The following DOCK1 variants were observed in gnomAD, a reference collection of about 807,000 sequenced individuals.
DOCK1 encodes the protein dedicator of cytokinesis protein 1.
DOCK1 carries 138 observed loss-of-function variants against 262.7 expected under a neutral mutation model. That is an observed-to-expected ratio of 0.53 (90% CI 0.46 to 0.61). DOCK1 has a LOEUF of 0.61. Among genes scored for constraint, DOCK1 ranks in the 20% least tolerant of loss-of-function variants. The probability of loss-of-function intolerance (pLI) is 0.00; values close to 1 mark genes in which losing one functional copy is unlikely to be tolerated. For synonymous variants in DOCK1, 866 were observed against 867.4 expected, an observed-to-expected ratio of 1.00 and a Z score of 0.03; for missense variants, 1,908 against 2,370.7, an observed-to-expected ratio of 0.80 and a Z score of 4.05.
intron 25 of DOCK1, among the ~76,000 whole-genome samples, chr10:127,122,820 G>T (rs1324917725): frequency 6.6e-6 from 1 of 152,076 alleles, no homozygotes; most frequent in Non-Finnish European, 1.5e-5. Flanking sequence ...ACCAAAGATG[G>T]TTGATAGCAT....
intron 1 of DOCK1, among the ~76,000 whole-genome samples, chr10:126,966,022 C>T (rs1033800775): frequency 0.036 from 5,550 of 152,218 alleles, 133 homozygotes; most frequent in Middle Eastern, 0.1. Flanking sequence ...CCCCACTTCC[C>T]CCCTACCCTT....
intron 25 of DOCK1, among the ~76,000 whole-genome samples, chr10:127,123,449 C>T (rs748390866): frequency 2.6e-5 from 4 of 152,164 alleles, no homozygotes; most frequent in Non-Finnish European, 4.4e-5. Context: ...GCTGGCAGGG[C>T]GGGGCTCAGA....
Position 127,257,406 on chromosome 10 carries a change from G to T in DOCK1, c.3021G>T (p.Val1007=). The T allele has an allele frequency of 1.9e-6, 3 of 1,606,560 alleles. No individual in the cohort carries two copies. Among genetic ancestry groups the T allele is most frequent in the Non-Finnish European group, 2.6e-6 (3 of 1,176,086 alleles). The part of the protein sequence containing the change: ...IGKNVYPFDW[V]IMNMVQNKVF... The stretch of plus-strand genomic sequence containing the variant: ...AGAACGTTTACCCCTTCGACTGGGT[G>T]ATCATGAACATGGTGCAAAATAAGT... Residue 1007 remains valine (V), a synonymous_variant, in exon 29 of 52, where the codon GTG becomes GTT. Transcript: ENST00000623213.
intron 1 of DOCK1, among the ~76,000 whole-genome samples, chr10:126,965,553 G>A (rs2037607682): frequency 6.6e-6 from 1 of 152,080 alleles, no homozygotes; most frequent in Non-Finnish European, 1.5e-5. Flanking sequence ...AGATATCCTG[G>A]GAGGGAAGTC....
At chr10:126,953,042 GTAT>G (rs1382204950) in intron 1 of DOCK1, among the ~76,000 whole-genome samples, 1 of 151,050 alleles carries the variant, frequency 6.6e-6, no homozygotes, top group Non-Finnish European at 1.5e-5. Flanking sequence ...GGTGGTGGTA[GTAT>G]TTTTGGTAGT....
chr10:127,155,242 T>C (rs765754694), intron 27 of DOCK1, among the ~76,000 whole-genome samples: 55 of 152,196 alleles, frequency 3.6e-4, no homozygotes, highest in Non-Finnish European at 6.3e-4. Flanking sequence ...ACTTTTGTTT[T>C]CCTCATTATA....
chr10:127,362,993 C>T (rs10829842), intron 33 of DOCK1, among the ~76,000 whole-genome samples: 1 of 65,650 alleles, frequency 1.5e-5, no homozygotes, highest in Admixed American at 2.0e-4. Context: ...ACATCCCCCC[C>T]CACACACACA....
intron 6 of DOCK1, among the ~76,000 whole-genome samples, chr10:126,992,446 C>T (rs2039857025): frequency 6.6e-6 from 1 of 152,102 alleles, no homozygotes; most frequent in South Asian, 2.1e-4. Context: ...TCTCCAAAGC[C>T]CAGCGCTCTG....
chr10:127,362,204 T>G lies in DOCK1; in HGVS notation c.3424T>G (p.Phe1142Val). The change falls in exon 33 of 52, where the codon TTC (phenylalanine) becomes GTC (valine). Residue 1142 changes from phenylalanine (F) to valine (V), a missense_variant. This residue lies in a region of DOCK1 where 518 missense variants were observed against 575.1 expected (regional missense o/e 0.90). Transcript: ENST00000623213. ...MQCEFHSTRS[F>V]QMFENEIITK... ...GTGTGAATTCCATTCGACCCGAAGC[T>G]TCCAAATGGTAAGGACGTAGATGTG... 1 of 1,613,122 alleles carries G rather than the reference T, an allele frequency of 6.2e-7. No individual in the cohort carries two copies. Among genetic ancestry groups the G allele is most frequent in the Middle Eastern group, 1.7e-4 (1 of 6,060 alleles).
chr10:126,912,705 G>A (rs1481170250), intron 1 of DOCK1, among the ~76,000 whole-genome samples: 1 of 143,226 alleles, frequency 7.0e-6, no homozygotes, highest in East Asian at 2.1e-4. Context: ...CAGCCTGGGT[G>A]ACAGAGTGAG....
chr10:127,083,531 G>T (rs962247096), intron 23 of DOCK1, among the ~76,000 whole-genome samples: 3 of 152,168 alleles, frequency 2.0e-5, no homozygotes, highest in Admixed American at 6.5e-5. Flanking sequence ...TTCATAGTGA[G>T]GAAGTATGCT....
chr10:127,100,858 G>A lies in DOCK1; in HGVS notation c.2446-5373G>A, dbSNP rs1210431490. On this transcript the variant is annotated intron_variant, in intron 23 of 51. Transcript: ENST00000623213. The surrounding 1 kb of genome is among the most constrained non-coding windows in gnomAD (Gnocchi z 5.5). Reference sequence around the variant, plus strand: ...TCAGGCTGCAGTGGGAGTGAGGAGGGGTCGTGTGGGAAGTGGACGCAGGCC... The same window carrying A: ...TCAGGCTGCAGTGGGAGTGAGGAGGAGTCGTGTGGGAAGTGGACGCAGGCC... Among the ~76,000 whole-genome samples the A allele has an allele frequency of 1.3e-5, 2 of 152,154 alleles. No individual in the cohort carries two copies. The highest frequency in any genetic ancestry group is 2.9e-5 in the Non-Finnish European group (2 of 68,026).
rs544569051 is a variant in DOCK1, at chr10:127,071,830, G to A, written c.2445+10054G>A. Among the ~76,000 whole-genome samples, 11 of 152,206 alleles carry A rather than the reference G, an allele frequency of 7.2e-5. 1 individual carries two copies. In the South Asian group the frequency reaches 2.3e-3, roughly 32 times the overall value. ...GTGTTTATGTTTTCTTTAATTTTAT[G>A]ATCCATTTTTCCATGTTGATTCCTT... On this transcript the variant is annotated intron_variant, in intron 23 of 51. Transcript: ENST00000623213.
chr10:127,350,860 A>C (rs1046868497), intron 31 of DOCK1, among the ~76,000 whole-genome samples: 1 of 152,158 alleles, frequency 6.6e-6, no homozygotes, highest in Admixed American at 6.5e-5. Flanking sequence ...CTGAGATTTT[A>C]AAGGAAGGAC....
intron 29 of DOCK1, among the ~76,000 whole-genome samples, chr10:127,335,304 G>T (rs1168000526): frequency 4.6e-5 from 7 of 152,064 alleles, no homozygotes; most frequent in Admixed American, 3.9e-4. Context: ...AGAGTCAGGC[G>T]CATTCATACC....
chr10:126,992,032 C>T (rs2039827728), intron 6 of DOCK1, among the ~76,000 whole-genome samples: 1 of 152,118 alleles, frequency 6.6e-6, no homozygotes, highest in Non-Finnish European at 1.5e-5. Flanking sequence ...ACATAATTTT[C>T]TGGTAATTTA....
intron 38 of DOCK1, among the ~76,000 whole-genome samples, chr10:127,385,126 G>T (rs972052163): frequency 6.6e-6 from 1 of 152,126 alleles, no homozygotes; most frequent in Non-Finnish European, 1.5e-5. Context: ...CTCTAAAAAA[G>T]CACCAAGTAT....
At chr10:127,302,573 C>G (rs1441120241) in intron 29 of DOCK1, among the ~76,000 whole-genome samples, 1 of 152,152 alleles carries the variant, frequency 6.6e-6, no homozygotes, top group Non-Finnish European at 1.5e-5. Flanking sequence ...CAAACCGTAG[C>G]CTAGAAATCG....
chr10:127,065,087 G>A (rs550971279), intron 23 of DOCK1, among the ~76,000 whole-genome samples: 107 of 152,186 alleles, frequency 7.0e-4, no homozygotes, highest in African/African-American at 2.5e-3. Flanking sequence ...TCGGCTCACA[G>A]CAACCTCTGC....
Sources: allele counts gnomAD v4.1 joint callset (sites outside exome capture counted in the v4.1 genomes callset), GRCh38; gene constraint gnomAD v4.1.1; regional missense constraint gnomAD v4.1.1; non-coding constraint Gnocchi (gnomAD v3.1); transcripts MANE v1.5; gene names NCBI Gene and HGNC (gene_info 2026-07-23, HGNC 2026-07-21).